SCGN: variants seen among roughly 807,000 people sequenced by gnomAD.
The protein encoded by SCGN is secretagogin, EF-hand calcium binding protein.
A neutral mutation model predicts 39.7 loss-of-function variants in SCGN; 30 were observed. That is an observed-to-expected ratio of 0.76 (90% CI 0.57 to 1.03). The LOEUF is 1.03. SCGN is among the 50% of genes least tolerant of loss of function. SCGN has a pLI of 0.00. For synonymous variants in SCGN, 106 were observed against 114.1 expected (o/e 0.93, Z 0.45); for missense variants, 353 against 349.4 (o/e 1.01, Z -0.08).
chr6:25,700,980 G>C (rs1393987435), intron 10 of SCGN, among the ~76,000 whole-genome samples: 3 of 152,228 alleles, frequency 2.0e-5, no homozygotes, highest in African/African-American at 7.2e-5. Flanking sequence ...TGATGTGGAA[G>C]TAAAGGTTTT....
chr6:25,661,493 C>T, intron 2 of SCGN, 59 bp from the exon 3 acceptor site: 1 of 1,148,780 alleles, frequency 8.7e-7, no homozygotes, highest in Non-Finnish European at 1.3e-6. Context: ...TATTTGCCAT[C>T]CTAACTATAT....
chr6:25,675,334 T>C (rs1210144370), intron 6 of SCGN, among the ~76,000 whole-genome samples: 1 of 152,198 alleles, frequency 6.6e-6, no homozygotes, highest in Non-Finnish European at 1.5e-5. Flanking sequence ...CTGGGCACCA[T>C]AGTGAAGGTT....
chr6:25,701,168 T>G (rs886134910), intron 10 of SCGN, 39 bp from the exon 11 acceptor site: 2 of 1,586,290 alleles, frequency 1.3e-6, no homozygotes, highest in Admixed American at 3.4e-5. Context: ...GAGAACACCA[T>G]TGGCTTGCCT....
intron 6 of SCGN, among the ~76,000 whole-genome samples, chr6:25,673,939 C>A (rs1482349519): frequency 6.6e-6 from 1 of 152,084 alleles, no homozygotes; most frequent in African/African-American, 2.4e-5. Flanking sequence ...GACAGTGAAG[C>A]AGGAGCAAGC....
At chr6:25,690,974 T>C (rs140222612) in intron 9 of SCGN, 82 bp from the exon 10 acceptor site, 18 of 1,032,784 alleles carry the variant, frequency 1.7e-5, no homozygotes, top group African/African-American at 1.1e-4. Context: ...AGAATACTGA[T>C]ACGGTTTATT....
At chr6:25,664,921 G>A (rs752937782) in intron 3 of SCGN, 22 bp from the exon 4 acceptor site, 11 of 1,593,920 alleles carry the variant, frequency 6.9e-6, no homozygotes, top group African/African-American at 4.0e-5. Context: ...GTCCCTGACT[G>A]TTATTCTTTC....
chr6:25,692,963 C>A (rs1393997860), intron 10 of SCGN, among the ~76,000 whole-genome samples: 1 of 151,994 alleles, frequency 6.6e-6, no homozygotes, highest in East Asian at 1.9e-4. Context: ...AGCTTTAATT[C>A]CAGATCAGCC....
chr6:25,687,329 T>C (rs989651142), intron 7 of SCGN, among the ~76,000 whole-genome samples: 7 of 152,186 alleles, frequency 4.6e-5, no homozygotes, highest in Non-Finnish European at 8.8e-5. Flanking sequence ...ACATGGGATG[T>C]CTTTTCATTT....
intron 7 of SCGN, among the ~76,000 whole-genome samples, chr6:25,683,966 C>G (rs1468259806): frequency 2.0e-5 from 3 of 152,180 alleles, no homozygotes; most frequent in African/African-American, 7.2e-5. Context: ...CGATTGCCCC[C>G]TGGACATTTG....
chr6:25,658,076 G>C (rs544845079), intron 2 of SCGN, among the ~76,000 whole-genome samples: 1 of 111,660 alleles, frequency 9.0e-6, no homozygotes, highest in South Asian at 3.1e-4. Context: ...GTGTCGCTTT[G>C]TTGCCCAGGC....
At chr6:25,659,824 G>A (rs954413712) in intron 2 of SCGN, among the ~76,000 whole-genome samples, 1 of 152,100 alleles carries the variant, frequency 6.6e-6, no homozygotes, top group Non-Finnish European at 1.5e-5. Context: ...GTTCTAGGAA[G>A]GACTAAAACA....
intron 3 of SCGN, among the ~76,000 whole-genome samples, chr6:25,663,303 C>T (rs1285181284): frequency 6.6e-6 from 1 of 152,170 alleles, no homozygotes; most frequent in Non-Finnish European, 1.5e-5. Flanking sequence ...GGAAAAAGGC[C>T]ACCCTTAGTC....
chr6:25,684,252 T>C (rs1759674794), intron 7 of SCGN, among the ~76,000 whole-genome samples: 1 of 152,040 alleles, frequency 6.6e-6, no homozygotes, highest in African/African-American at 2.4e-5. Context: ...TAGTTGTGAA[T>C]TGATGGAGTT....
chr6:25,674,750 A>G (rs949117246), intron 6 of SCGN, among the ~76,000 whole-genome samples: 3 of 152,238 alleles, frequency 2.0e-5, no homozygotes, highest in African/African-American at 7.2e-5. Flanking sequence ...TGAGGTCTGC[A>G]CACCTTGCCT....
chr6:25,658,196 C>A (rs768430461), intron 2 of SCGN, among the ~76,000 whole-genome samples: 1 of 151,188 alleles, frequency 6.6e-6, no homozygotes, highest in Non-Finnish European at 1.5e-5. Context: ...CGTGCCACCA[C>A]GGATGGCTAA....
At chr6:25,688,503 G>A (rs1419521601) in intron 7 of SCGN, among the ~76,000 whole-genome samples, 2 of 152,110 alleles carry the variant, frequency 1.3e-5, no homozygotes, top group Non-Finnish European at 2.9e-5. Context: ...TTCTAACCAA[G>A]ATTCAGCTGT....
intron 6 of SCGN, among the ~76,000 whole-genome samples, chr6:25,673,857 C>A (rs988236223): frequency 1.1e-4 from 16 of 152,118 alleles, no homozygotes; most frequent in African/African-American, 3.6e-4. Flanking sequence ...CATGGTTCTG[C>A]AGGCTGTACA....
intron 9 of SCGN, 21 bp from the exon 10 acceptor site, chr6:25,691,035 A>G: frequency 6.2e-7 from 1 of 1,606,988 alleles, no homozygotes; most frequent in Non-Finnish European, 8.5e-7. Context: ...TATTTGGGCA[A>G]TTGGATCTTT....
At position 25,652,229 on chromosome 6, in the gene SCGN, G is replaced by C. The variant is rs1175614142; in HGVS notation, c.-175G>C. ...CCGCTGGTTTTGCTGAGGGCTGAGG[G>C]ACGGCTCAGCGACGCCACGGCCAGC... On this transcript the variant is annotated 5_prime_UTR_variant, in exon 1 of 11. Coordinates refer to ENST00000377961, the MANE Select transcript of SCGN (RefSeq NM_006998.4). 3.4e-6 allele frequency: 2 copies of C among 593,590 alleles called. No individual in the cohort carries two copies. Among genetic ancestry groups the C allele is most frequent in the South Asian group, 4.0e-5 (2 of 50,564 alleles). The allele number at this position is 593,590 out of a possible 1,614,324, so 36.8% of individuals were successfully genotyped here. A position where few individuals can be genotyped will look rare whatever the true frequency, so the allele number is the denominator to read the frequency against.
Sources: allele counts gnomAD v4.1 joint callset (sites outside exome capture counted in the v4.1 genomes callset), GRCh38; gene constraint gnomAD v4.1.1; transcripts MANE v1.5; gene names NCBI Gene and HGNC (gene_info 2026-07-23, HGNC 2026-07-21).